The following LAMA2 variants were observed in gnomAD, a reference collection of about 807,000 sequenced individuals.
The protein encoded by LAMA2 is laminin subunit alpha-2.
In LAMA2, 269 loss-of-function variants were observed where a neutral mutation model predicts 364.8. The observed-to-expected ratio is 0.74, with a 90% CI of 0.67 to 0.82. The LOEUF is 0.82. LAMA2 is among the 40% of genes least tolerant of loss of function. The probability of loss-of-function intolerance (pLI) is 0.00; values close to 1 mark genes in which losing one functional copy is unlikely to be tolerated. For synonymous variants in LAMA2, 1,379 were observed against 1,370.6 expected (o/e 1.01, Z -0.14); for missense variants, 3,807 against 3,873.2 (o/e 0.98, Z 0.45).
At chr6:128,961,848 G>A (rs954739002) in intron 1 of LAMA2, among the ~76,000 whole-genome samples, 11 of 151,764 alleles carry the variant, frequency 7.2e-5, no homozygotes, top group African/African-American at 2.4e-4. Context: ...GTCAGCAATG[G>A]GATAGTAACG....
rs762434314 is a variant in LAMA2, at chr6:129,314,782, G to T, written c.3539G>T (p.Gly1180Val). The T allele has an allele frequency of 6.2e-7, 1 of 1,614,044 alleles. No individual in the cohort carries two copies. The highest frequency in any genetic ancestry group is 2.2e-5 in the East Asian group (1 of 44,878). Residue 1180 changes from glycine (G) to valine (V), a missense_variant, in exon 24 of 65, where the codon GGA (glycine) becomes GTA (valine). Around this residue, in one of 3 missense-constraint regions of LAMA2, gnomAD observed 3,333 missense variants for 3,345.7 expected, o/e 1.00. Transcript: ENST00000421865. ...GTTTQCSEAK[G>V]LIRTWVTLKA... ...ACTACCCAGTGCTCTGAAGCAAAAGGACTGATCCGGACGTGGGTGAGTAGG... is the reference window on the plus strand; with the variant it reads ...ACTACCCAGTGCTCTGAAGCAAAAGTACTGATCCGGACGTGGGTGAGTAGG...
At chr6:129,170,806 T>C (rs1321154670) in intron 9 of LAMA2, among the ~76,000 whole-genome samples, 1 of 150,044 alleles carries the variant, frequency 6.7e-6, no homozygotes, top group Non-Finnish European at 1.5e-5. Context: ...TGTGTGGGAG[T>C]CTAAGTCTCT....
chr6:129,516,353 A>G lies in LAMA2; in HGVS notation c.*6A>G. ...TATCATGCCCAGCCAACTAATAAAA[A>G]TAAGTGTAACCCCAGGAAGAGTCTG... On this transcript the variant is annotated 3_prime_UTR_variant, in exon 65 of 65. Transcript: ENST00000421865. 1 of 1,613,670 alleles carries G rather than the reference A, an allele frequency of 6.2e-7. No individual in the cohort carries two copies. The highest frequency in any genetic ancestry group is 8.5e-7 in the Non-Finnish European group (1 of 1,179,708).
intron 1 of LAMA2, among the ~76,000 whole-genome samples, chr6:129,018,131 A>T (rs1785192689): frequency 6.6e-6 from 1 of 151,902 alleles, no homozygotes. Context: ...AATACAAAAT[A>T]TTTTTGCTAT....
At chr6:129,469,846 A>G (rs1464045447) in intron 51 of LAMA2, among the ~76,000 whole-genome samples, 1 of 151,960 alleles carries the variant, frequency 6.6e-6, no homozygotes, top group African/African-American at 2.4e-5. Context: ...AGGCAAATTT[A>G]GGCAGACACA....
intron 32 of LAMA2, among the ~76,000 whole-genome samples, chr6:129,355,328 A>G (rs1777092135): frequency 6.6e-6 from 1 of 152,178 alleles, no homozygotes; most frequent in Non-Finnish European, 1.5e-5. Flanking sequence ...CTCTTCTTCT[A>G]AAATTTCTCC....
chr6:129,341,357 C>T (rs879532551), intron 29 of LAMA2, among the ~76,000 whole-genome samples: 21 of 152,212 alleles, frequency 1.4e-4, no homozygotes, highest in African/African-American at 4.8e-4. Context: ...ACTTTTCTTT[C>T]GATATTGTTT....
chr6:129,458,514 A>C (rs1240707004), intron 48 of LAMA2, among the ~76,000 whole-genome samples: 1 of 151,952 alleles, frequency 6.6e-6, no homozygotes, highest in East Asian at 1.9e-4. Context: ...GAGCAGGAAA[A>C]TCTCTCAAAT....
chr6:128,949,135 T>A (rs1376398146), intron 1 of LAMA2, among the ~76,000 whole-genome samples: 1 of 152,192 alleles, frequency 6.6e-6, no homozygotes, highest in Non-Finnish European at 1.5e-5. Context: ...AATTTTAATA[T>A]CATTAGAAAG....
chr6:129,387,195 G>A (rs1779065117), intron 35 of LAMA2, among the ~76,000 whole-genome samples: 2 of 151,990 alleles, frequency 1.3e-5, no homozygotes, highest in African/African-American at 4.8e-5. Flanking sequence ...TGGGATGCAT[G>A]CACAGAATGT....
intron 30 of LAMA2, among the ~76,000 whole-genome samples, chr6:129,344,457 C>T (rs1311644001): frequency 1.3e-5 from 2 of 151,978 alleles, no homozygotes; most frequent in African/African-American, 4.8e-5. Flanking sequence ...CAGGAGAGAG[C>T]CGTTAGAGAA....
At chr6:129,419,464 T>C (rs942184330) in intron 40 of LAMA2, among the ~76,000 whole-genome samples, 66 of 152,272 alleles carry the variant, frequency 4.3e-4, no homozygotes, top group African/African-American at 1.5e-3. Context: ...CTAAGACTCT[T>C]TGTGGTATGG....
At chr6:129,243,242 G>A (rs984790340) in intron 12 of LAMA2, among the ~76,000 whole-genome samples, 1 of 152,062 alleles carries the variant, frequency 6.6e-6, no homozygotes, top group Non-Finnish European at 1.5e-5. Context: ...TTGTTACACA[G>A]CAGACAAAAC....
chr6:128,955,746 G>A (rs1781103659), intron 1 of LAMA2, among the ~76,000 whole-genome samples: 1 of 151,806 alleles, frequency 6.6e-6, no homozygotes, highest in South Asian at 2.1e-4. Flanking sequence ...TGTCAAATCT[G>A]AGGAGCAAAT....
At chr6:129,012,277 G>T (rs1784809827) in intron 1 of LAMA2, among the ~76,000 whole-genome samples, 1 of 151,870 alleles carries the variant, frequency 6.6e-6, no homozygotes, top group Non-Finnish European at 1.5e-5. Context: ...CCCTATTTTT[G>T]TGACTCACTC....
rs777910444 is a variant in LAMA2, at chr6:129,465,199, C to G, written c.7210C>G (p.Leu2404Val). ...TDGHIKVSYD[L>V]GSGMASVVSN... ...TGGGCACATAAAAGTCAGTTACGATCTGGGCTCAGGAATGGCTTCCGTTGT... is the reference window on the plus strand; with the variant it reads ...TGGGCACATAAAAGTCAGTTACGATGTGGGCTCAGGAATGGCTTCCGTTGT... Residue 2404 changes from leucine (L) to valine (V), a missense_variant, in exon 51 of 65, where the codon CTG becomes GTG. By Grantham distance (32) the Leu-to-Val change is conservative. This residue lies in a region of LAMA2 where 3,333 missense variants were observed against 3,345.7 expected (regional missense o/e 1.00). Coordinates refer to ENST00000421865, the MANE Select transcript of LAMA2 (RefSeq NM_000426.4). 8 of 1,610,828 alleles carry G rather than the reference C, an allele frequency of 5.0e-6. No individual in the cohort carries two copies. The highest frequency in any genetic ancestry group is 8.5e-7 in the Non-Finnish European group (1 of 1,177,694).
At chr6:129,291,555 C>A (rs1055235327) in intron 19 of LAMA2, 59 bp from the exon 20 acceptor site, 2 of 1,161,548 alleles carry the variant, frequency 1.7e-6, no homozygotes, top group Non-Finnish European at 1.3e-6. Flanking sequence ...TATTATTTAA[C>A]AAGCCTATTA....
At chr6:129,170,850 G>A (rs1780097401) in intron 9 of LAMA2, among the ~76,000 whole-genome samples, 1 of 148,864 alleles carries the variant, frequency 6.7e-6, no homozygotes, top group African/African-American at 2.5e-5. Context: ...TTATGAATCT[G>A]GGTGCTCCTG....
intron 22 of LAMA2, among the ~76,000 whole-genome samples, chr6:129,307,901 A>T (rs1480770561): frequency 6.6e-6 from 1 of 152,326 alleles, no homozygotes; most frequent in East Asian, 1.9e-4. Context: ...GAACGTGATG[A>T]CCAAGTGTGG....
Sources: allele counts gnomAD v4.1 joint callset (sites outside exome capture counted in the v4.1 genomes callset), GRCh38; gene constraint gnomAD v4.1.1; regional missense constraint gnomAD v4.1.1; transcripts MANE v1.5; gene names NCBI Gene and HGNC (gene_info 2026-07-23, HGNC 2026-07-21).